The following KCND2 variants were observed in gnomAD, a reference collection of about 807,000 sequenced individuals.
KCND2 encodes the protein potassium voltage-gated channel subfamily D member 2.
KCND2 carries 16 observed loss-of-function variants against 54.4 expected under a neutral mutation model. That is an observed-to-expected ratio of 0.29 (90% confidence interval 0.20 to 0.45). The LOEUF is 0.45. KCND2 is among the 20% of genes least tolerant of loss of function. KCND2 has a pLI of 1.00. For missense variants in KCND2, 486 were observed against 824.2 expected, an observed-to-expected ratio of 0.59 and a Z score of 5.02; for synonymous variants, 317 against 310.7, an observed-to-expected ratio of 1.02 and a Z score of -0.21.
intron 1 of KCND2, among the ~76,000 whole-genome samples, chr7:120,345,344 G>T (rs536762977): frequency 1.3e-5 from 2 of 152,204 alleles, no homozygotes; most frequent in East Asian, 3.9e-4. Flanking sequence ...TAACTAGTAC[G>T]ATTAAGACAT....
intron 1 of KCND2, among the ~76,000 whole-genome samples, chr7:120,702,528 A>G (rs1456690078): frequency 6.6e-6 from 1 of 152,178 alleles, no homozygotes; most frequent in Non-Finnish European, 1.5e-5. Context: ...TAGCAAAGAC[A>G]TAGAATCAAC....
rs147065069 is a variant in KCND2 at position 120,274,701 on chromosome 7, C to T, written c.69C>T (p.Ala23=). 4 of 1,613,912 alleles carry T rather than the reference C, an allele frequency of 2.5e-6. No individual in the cohort carries two copies. The South Asian group carries it at 3.3e-5, about 13-fold the overall frequency. ...CGGCTATCGGGTGGATGCCTGTGGC[C>T]TCGGGGCCTATGCCGGCTCCCCCGA... The part of the protein sequence containing the change: ...RAAAIGWMPV[A]SGPMPAPPRQ... Residue 23 remains alanine (A), a synonymous_variant, in exon 1 of 6, where the codon GCC becomes GCT. Transcript: ENST00000331113.
At chr7:120,288,173 C>T (rs113923874) in intron 1 of KCND2, among the ~76,000 whole-genome samples, 30 of 152,078 alleles carry the variant, frequency 2.0e-4, no homozygotes, top group African/African-American at 6.5e-4. Context: ...AGAAGATAAT[C>T]GACCAATTGG....
intron 1 of KCND2, among the ~76,000 whole-genome samples, chr7:120,563,151 C>G (rs1371864317): frequency 6.6e-6 from 1 of 152,070 alleles, no homozygotes; most frequent in Non-Finnish European, 1.5e-5. Context: ...AGGATTCTGA[C>G]ACATCTATAA....
intron 1 of KCND2, among the ~76,000 whole-genome samples, chr7:120,537,426 T>C (rs1210407165): frequency 6.6e-6 from 1 of 152,200 alleles, no homozygotes; most frequent in Non-Finnish European, 1.5e-5. Flanking sequence ...ATTTTCAGAA[T>C]GGTAAATGAA....
intron 1 of KCND2, among the ~76,000 whole-genome samples, chr7:120,653,584 A>G (rs1457312423): frequency 6.6e-6 from 1 of 152,182 alleles, no homozygotes. Flanking sequence ...GCAACTAACT[A>G]GCTATGTGAC....
At chr7:120,502,806 C>CTTGT (rs1802955833) in intron 1 of KCND2, among the ~76,000 whole-genome samples, 1 of 151,964 alleles carries the variant, frequency 6.6e-6, no homozygotes, top group Non-Finnish European at 1.5e-5. Context: ...TACAGGCTTT[C>CTTGT]CCAGTGGTAC....
rs187992735 is a variant in KCND2 at position 120,629,443 on chromosome 7, G to A, written c.1116-103460G>A. 8.7e-4 allele frequency among the ~76,000 whole-genome samples: 132 copies of A among 152,186 alleles called. 4 individuals carry two copies. The East Asian group carries it at 0.021, about 24-fold the overall frequency. On this transcript the variant is annotated intron_variant, in intron 1 of 5. Transcript: ENST00000331113. ...GGAGTTTGCAGTGAGCCGAGATGGT[G>A]CCACTGCACTCCATCCTGGGCGACA...
intron 1 of KCND2, among the ~76,000 whole-genome samples, chr7:120,372,398 T>C (rs1438750578): frequency 6.6e-6 from 1 of 151,872 alleles, no homozygotes; most frequent in Non-Finnish European, 1.5e-5. Context: ...GTTTCAAAAT[T>C]TAATATTACA....
At chr7:120,291,250 G>T (rs1799431131) in intron 1 of KCND2, among the ~76,000 whole-genome samples, 1 of 151,820 alleles carries the variant, frequency 6.6e-6, no homozygotes. Flanking sequence ...TATAATTTTA[G>T]CAGGAAGATG....
At chr7:120,510,132 A>G (rs867790441) in intron 1 of KCND2, among the ~76,000 whole-genome samples, 6 of 152,110 alleles carry the variant, frequency 3.9e-5, no homozygotes, top group Admixed American at 1.3e-4. Context: ...GGCTTAAGTC[A>G]TTCCTAACCC....
chr7:120,710,643 GT>G (rs1313795652), intron 1 of KCND2, among the ~76,000 whole-genome samples: 2 of 152,036 alleles, frequency 1.3e-5, no homozygotes, highest in Non-Finnish European at 2.9e-5. Flanking sequence ...TACCATCACA[GT>G]TTGGAATTGT....
In KCND2 at chr7:120,511,342, C is replaced by A. The variant is rs981675698; in HGVS notation, c.1116-221561C>A. The stretch of plus-strand genomic sequence containing the variant: ...TAACATATGACTCTACATTAAATTG[C>A]TCATTTGTTTTTTATCTGTCTTGTC... On this transcript the variant is annotated intron_variant, in intron 1 of 5. Transcript: ENST00000331113. 1.4e-4 allele frequency among the ~76,000 whole-genome samples: 21 copies of A among 152,108 alleles called. 1 individual carries two copies. The South Asian group carries it at 2.3e-3, about 17-fold the overall frequency.
chr7:120,535,479 T>C (rs1361038794), intron 1 of KCND2, among the ~76,000 whole-genome samples: 1 of 152,088 alleles, frequency 6.6e-6, no homozygotes, highest in Non-Finnish European at 1.5e-5. Context: ...GAAGGTAACA[T>C]CACTTAACTA....
At chr7:120,404,033 C>T (rs1031517464) in intron 1 of KCND2, among the ~76,000 whole-genome samples, 9 of 151,962 alleles carry the variant, frequency 5.9e-5, no homozygotes, top group African/African-American at 1.7e-4. Flanking sequence ...ATTAACATTT[C>T]AGCAGAAACC....
chr7:120,655,120 A>G (rs938713051), intron 1 of KCND2, among the ~76,000 whole-genome samples: 1 of 152,064 alleles, frequency 6.6e-6, no homozygotes, highest in Admixed American at 6.5e-5. Context: ...TATACATGTT[A>G]ATTCATTTTT....
rs540393718 is a variant in KCND2, at chr7:120,690,390, G to A, written c.1116-42513G>A. Among the ~76,000 whole-genome samples, 11 of 152,178 alleles carry A rather than the reference G, an allele frequency of 7.2e-5. No individual in the cohort carries two copies. The South Asian group carries it at 2.3e-3, about 32-fold the overall frequency. On this transcript the variant is annotated intron_variant, in intron 1 of 5. Coordinates refer to ENST00000331113, the MANE Select transcript of KCND2 (RefSeq NM_012281.3). ...AAATCCACCAATAACTCTCAAAGAG[G>A]TCCTGACCTTAAGTATTTAATTATT...
In KCND2 at chr7:120,676,564, T is replaced by C. The variant is rs543535931; in HGVS notation, c.1116-56339T>C. Reference sequence around the variant, plus strand: ...AACTATATTTATTCATTTTAGAATGTAGTTATTGTATATTGGCCACAACTT... The same window carrying C: ...AACTATATTTATTCATTTTAGAATGCAGTTATTGTATATTGGCCACAACTT... On this transcript the variant is annotated intron_variant, in intron 1 of 5. Coordinates refer to ENST00000331113, the MANE Select transcript of KCND2 (RefSeq NM_012281.3). Among the ~76,000 whole-genome samples the C allele has an allele frequency of 7.1e-4, 108 of 152,348 alleles. 2 individuals carry two copies. The highest frequency in any genetic ancestry group is 2.4e-3 in the African/African-American group (101 of 41,580).
At chr7:120,488,192 C>G (rs1455084105) in intron 1 of KCND2, among the ~76,000 whole-genome samples, 1 of 151,664 alleles carries the variant, frequency 6.6e-6, no homozygotes, top group African/African-American at 2.4e-5. Flanking sequence ...GAGACCCTGT[C>G]TCAAAAAATG....
Sources: allele counts gnomAD v4.1 joint callset (sites outside exome capture counted in the v4.1 genomes callset), GRCh38; gene constraint gnomAD v4.1.1; transcripts MANE v1.5; gene names NCBI Gene and HGNC (gene_info 2026-07-23, HGNC 2026-07-21).